LCP2: variants seen among roughly 807,000 people sequenced by gnomAD.
LCP2 encodes 76 kDa tyrosine phosphoprotein.
In LCP2, 29 loss-of-function variants were observed where a neutral mutation model predicts 74.5. That is an observed-to-expected ratio of 0.39 (90% confidence interval 0.29 to 0.53). The LOEUF is 0.53. Among genes scored for constraint, LCP2 ranks in the 20% least tolerant of loss-of-function variants. The pLI, the probability that LCP2 is intolerant of heterozygous loss-of-function variation, is 0.72. For synonymous variants in LCP2, 228 were observed against 229.5 expected (o/e 0.99, Z 0.06); for missense variants, 604 against 634.6 (o/e 0.95, Z 0.52).
intron 20 of LCP2, among the ~76,000 whole-genome samples, chr5:170,249,084 G>C (rs1761365986): frequency 6.6e-6 from 1 of 152,202 alleles, no homozygotes; most frequent in South Asian, 2.1e-4. Flanking sequence ...CACTTTGGGA[G>C]GCTAAGGCCG....
chr5:170,259,814 A>C (rs778019400), intron 14 of LCP2, among the ~76,000 whole-genome samples: 1 of 152,198 alleles, frequency 6.6e-6, no homozygotes, highest in Non-Finnish European at 1.5e-5. Flanking sequence ...ATAAACACAC[A>C]TGGGCTCATA....
At chr5:170,275,635 A>AAG in intron 4 of LCP2, 160 bp downstream of exon 4, 1 of 688,448 alleles carries the variant, frequency 1.5e-6, no homozygotes, top group Non-Finnish European at 2.5e-6. Context: ...AGAGCAGGGG[A>AAG]GGGAACCCCT....
intron 20 of LCP2, 97 bp from the exon 21 acceptor site, chr5:170,248,916 C>A: frequency 8.2e-7 from 1 of 1,217,268 alleles, no homozygotes; most frequent in Non-Finnish European, 1.2e-6. Flanking sequence ...GCTGCCTCTT[C>A]AAGTGATGAG....
chr5:170,290,121 C>T (rs1762265143), intron 2 of LCP2, among the ~76,000 whole-genome samples: 2 of 152,140 alleles, frequency 1.3e-5, no homozygotes, highest in African/African-American at 4.8e-5. Flanking sequence ...TGATGTAACC[C>T]CCTCCTCCAC....
intron 3 of LCP2, 121 bp downstream of exon 3, chr5:170,287,849 T>G: frequency 1.1e-6 from 1 of 905,258 alleles, no homozygotes; most frequent in Non-Finnish European, 1.8e-6. Flanking sequence ...GCCCTCATCC[T>G]TCCTACTTGC....
intron 6 of LCP2, among the ~76,000 whole-genome samples, chr5:170,272,389 C>A (rs1464635546): frequency 6.6e-6 from 1 of 152,082 alleles, no homozygotes; most frequent in African/African-American, 2.4e-5. Context: ...ACCAGTTGGG[C>A]CTCATCAGTG....
intron 15 of LCP2, 47 bp from the exon 16 acceptor site, chr5:170,258,213 G>A: frequency 6.2e-7 from 1 of 1,608,422 alleles, no homozygotes; most frequent in Non-Finnish European, 8.5e-7. Context: ...GGCCCCAGCT[G>A]TCACTAAGAA....
At position 170,267,358 on chromosome 5, in the gene LCP2, G is replaced by A; in HGVS notation, c.622-283C>T. On this transcript the variant is annotated intron_variant, in intron 8 of 20. Transcript: ENST00000046794. ...CAAAATTGAAACTCGTTAATGTCCT[G>A]CGAGGCCCTGCCTGAGCTGGCCCAT... 7 of 508,722 alleles carry A rather than the reference G, an allele frequency of 1.4e-5. No individual in the cohort carries two copies. The South Asian group carries it at 1.6e-4, about 12-fold the overall frequency. 31.5% of individuals were successfully genotyped at this position (508,722 alleles called of 1,614,324 possible). A position where few individuals can be genotyped will look rare whatever the true frequency, so the allele number is the denominator to read the frequency against.
chr5:170,273,521 C>T (rs768522698), intron 6 of LCP2, among the ~76,000 whole-genome samples: 7 of 152,192 alleles, frequency 4.6e-5, no homozygotes, highest in Non-Finnish European at 8.8e-5. Context: ...AGAAGGCCCA[C>T]GTGACTGAGG....
intron 2 of LCP2, among the ~76,000 whole-genome samples, chr5:170,291,952 C>T (rs552660760): frequency 2.0e-5 from 3 of 152,300 alleles, no homozygotes; most frequent in East Asian, 3.9e-4. Flanking sequence ...GTTAAAAAGT[C>T]AAATGGTATC....
intron 2 of LCP2, among the ~76,000 whole-genome samples, chr5:170,289,639 T>C (rs568887210): frequency 2.8e-5 from 3 of 106,682 alleles, no homozygotes; most frequent in African/African-American, 1.2e-4. Flanking sequence ...CTTTCTTTCT[T>C]TCTTTCTTTC....
At chr5:170,287,674 GC>G (rs1762206016) in intron 3 of LCP2, 2 of 443,400 alleles carry the variant, frequency 4.5e-6, no homozygotes, top group Non-Finnish European at 8.3e-6. Context: ...TGACACTGAT[GC>G]TATTTTCACA....
intron 2 of LCP2, among the ~76,000 whole-genome samples, chr5:170,289,617 T>TTTTCTTTCTTTTTC: frequency 1.6e-5 from 2 of 122,228 alleles, no homozygotes; most frequent in African/African-American, 6.4e-5. Context: ...CTTTCTTTCT[T>TTTTCTTTCTTTTTC]TTTCTTTCTT....
intron 10 of LCP2, among the ~76,000 whole-genome samples, chr5:170,263,656 A>G (rs1459700874): frequency 6.6e-6 from 1 of 152,260 alleles, no homozygotes; most frequent in East Asian, 1.9e-4. Flanking sequence ...AAAGTTATTC[A>G]AAGTAATTTA....
chr5:170,267,523 C>T (rs943802487), intron 8 of LCP2, among the ~76,000 whole-genome samples: 1 of 152,218 alleles, frequency 6.6e-6, no homozygotes, highest in South Asian at 2.1e-4. Flanking sequence ...CTGCCTAGAA[C>T]GTTCTTCTCC....
chr5:170,282,180 T>C (rs1186219950), intron 3 of LCP2, among the ~76,000 whole-genome samples: 4 of 152,234 alleles, frequency 2.6e-5, no homozygotes, highest in Admixed American at 6.5e-5. Flanking sequence ...CTTAAAAATC[T>C]ATTTAATACT....
intron 2 of LCP2, among the ~76,000 whole-genome samples, chr5:170,288,929 G>T (rs1762230536): frequency 6.6e-6 from 1 of 152,218 alleles, no homozygotes; most frequent in African/African-American, 2.4e-5. Flanking sequence ...GCAGAAAAGA[G>T]ACTGGGCATG....
Position 170,250,902 on chromosome 5 carries a change from C to T in LCP2, c.1324-17G>A, listed in dbSNP as rs1264979022. ...TGTGCCATCCTAAAAAGACAAATTC[C>T]TGTTATTATGGGAGCAGTAAAAGTC... is the stretch of plus-strand genomic sequence containing the variant. On this transcript the variant is annotated splice_polypyrimidine_tract_variant and intron_variant, in intron 19 of 20. Coordinates refer to ENST00000046794, the MANE Select transcript of LCP2 (RefSeq NM_005565.5). 1 of 1,610,494 alleles carries T rather than the reference C, an allele frequency of 6.2e-7. No homozygotes were observed. Among genetic ancestry groups the T allele is most frequent in the South Asian group, 1.1e-5 (1 of 90,904 alleles).
chr5:170,293,750 C>A (rs1762327857), intron 1 of LCP2, among the ~76,000 whole-genome samples: 1 of 152,182 alleles, frequency 6.6e-6, no homozygotes, highest in African/African-American at 2.4e-5. Flanking sequence ...TTCTTCCTAG[C>A]ATGTTTCTAA....
Sources: gnomAD v4.1 joint callset for allele counts (sites outside exome capture counted in the v4.1 genomes callset) on GRCh38, gnomAD v4.1.1 for gene constraint, MANE v1.5 for transcripts, NCBI Gene and HGNC (gene_info 2026-07-23, HGNC 2026-07-21) for gene names.